Variants in DSCAML1 observed in about 807,000 individuals in gnomAD.
The protein encoded by DSCAML1 is cell adhesion molecule DSCAML1.
A neutral mutation model predicts 200.5 loss-of-function variants in DSCAML1; 38 were observed. The observed-to-expected ratio is 0.19, with a 90% CI of 0.15 to 0.25. The LOEUF (loss-of-function observed/expected upper bound fraction) is 0.25, where lower values mean the gene tolerates loss of function less well. Among genes scored for constraint, DSCAML1 ranks in the 10% least tolerant of loss-of-function variants. The pLI, the probability that DSCAML1 is intolerant of heterozygous loss-of-function variation, is 1.00. For synonymous variants in DSCAML1, 1,215 were observed against 1,165.0 expected (o/e 1.04, Z -0.87); for missense variants, 2,223 against 2,858.8 (o/e 0.78, Z 5.07).
intron 8 of DSCAML1, among the ~76,000 whole-genome samples, chr11:117,508,104 G>A (rs2049539882): frequency 6.6e-6 from 1 of 152,132 alleles, no homozygotes. Flanking sequence ...AGACCCAGAT[G>A]TGCCGCCCAG....
chr11:117,522,510 G>A (rs2049902351), intron 5 of DSCAML1, among the ~76,000 whole-genome samples: 1 of 152,336 alleles, frequency 6.6e-6, no homozygotes, highest in East Asian at 1.9e-4. Context: ...GGGGGCTCAG[G>A]CTCCCTGTAT....
chr11:117,666,215 G>T (rs566373376), intron 3 of DSCAML1, among the ~76,000 whole-genome samples: 1 of 152,128 alleles, frequency 6.6e-6, no homozygotes, highest in South Asian at 2.1e-4. Context: ...GTGGACCCTC[G>T]AGCCAGCCTC....
chr11:117,771,803 T>C (rs1272452613), intron 3 of DSCAML1, among the ~76,000 whole-genome samples: 1 of 152,174 alleles, frequency 6.6e-6, no homozygotes, highest in Non-Finnish European at 1.5e-5. Flanking sequence ...AAAGTGTTAT[T>C]GTGAGGATTA....
At chr11:117,566,340 T>TC (rs1555185525) in intron 3 of DSCAML1, among the ~76,000 whole-genome samples, 10,503 of 141,652 alleles carry the variant, frequency 0.074, 451 homozygotes, top group Middle Eastern at 0.13. Context: ...TTTCTTTTCT[T>TC]TCTCTCTCTC....
intron 4 of DSCAML1, among the ~76,000 whole-genome samples, chr11:117,526,849 A>T (rs1009289213): frequency 6.6e-6 from 1 of 151,842 alleles, no homozygotes; most frequent in Non-Finnish European, 1.5e-5. Context: ...TAAATGTTTT[A>T]ATAATAGGTC....
At chr11:117,711,829 C>T (rs1354875600) in intron 3 of DSCAML1, among the ~76,000 whole-genome samples, 2 of 152,116 alleles carry the variant, frequency 1.3e-5, no homozygotes, top group Admixed American at 1.3e-4. Flanking sequence ...GAGGGTTTTC[C>T]CCCCATTCCC....
At chr11:117,779,115 C>T (rs2055185506) in intron 2 of DSCAML1, among the ~76,000 whole-genome samples, 1 of 152,284 alleles carries the variant, frequency 6.6e-6, no homozygotes, top group South Asian at 2.1e-4. Flanking sequence ...GAGGCCTTTC[C>T]CAGAACCACT....
Position 117,780,298 on chromosome 11 carries a change from A to AAG in DSCAML1, c.364+193_364+194dup, listed in dbSNP as rs1375998237. Among the ~76,000 whole-genome samples, 1 of 111,118 alleles carries AAG rather than the reference A, an allele frequency of 9.0e-6. No homozygotes were observed. The highest frequency in any genetic ancestry group is 2.5e-4 in the East Asian group (1 of 3,924). 72.9% of individuals were successfully genotyped at this position (111,118 alleles called of 152,430 possible). A position where few individuals can be genotyped will look rare whatever the true frequency, so the allele number is the denominator to read the frequency against. On this transcript the variant is annotated intron_variant, in intron 2 of 32. Coordinates refer to ENST00000651296, the MANE Select transcript of DSCAML1 (RefSeq NM_020693.4). This position sits in a 1 kb window ranked among gnomAD's most constrained non-coding sequence, Gnocchi z 4.8. ...AAAGAAAGAAAGAAAGAAAGAAAGA[A>AAG]AGAAAGAGAGAAAGGAGAAAGAAAG...
chr11:117,762,585 G>A (rs750421760), intron 3 of DSCAML1, among the ~76,000 whole-genome samples: 3 of 152,076 alleles, frequency 2.0e-5, no homozygotes, highest in South Asian at 2.1e-4. Context: ...TATATGGGCC[G>A]GACACAGTGG....
chr11:117,638,695 A>T (rs1417996928), intron 3 of DSCAML1, among the ~76,000 whole-genome samples: 1 of 152,208 alleles, frequency 6.6e-6, no homozygotes, highest in Non-Finnish European at 1.5e-5. Flanking sequence ...ACGTCACAAC[A>T]TGAATCTGTA....
At chr11:117,788,549 A>G (rs1187576885) in intron 1 of DSCAML1, among the ~76,000 whole-genome samples, 1 of 151,460 alleles carries the variant, frequency 6.6e-6, no homozygotes, top group Admixed American at 6.6e-5. Flanking sequence ...CTGGTCTCGA[A>G]CTCCTGACCT....
Position 117,498,206 on chromosome 11 carries a change from TG to T in DSCAML1, c.2359+5638del, listed in dbSNP as rs1413869966. Among the ~76,000 whole-genome samples the T allele has an allele frequency of 6.6e-6, 1 of 152,154 alleles. No individual in the cohort carries two copies. Among genetic ancestry groups the T allele is most frequent in the Non-Finnish European group, 1.5e-5 (1 of 68,010 alleles). ...ACACACAGGAATATCTTGGGCCAGT[TG>T]TTTGCCCTCTCTGGGGCCTCAGTTT... On this transcript the variant is annotated intron_variant, in intron 11 of 32. Transcript: ENST00000651296. This position sits in a 1 kb window ranked among gnomAD's most constrained non-coding sequence, Gnocchi z 4.0.
intron 6 of DSCAML1, among the ~76,000 whole-genome samples, chr11:117,519,413 G>C (rs2049846252): frequency 6.6e-6 from 1 of 152,210 alleles, no homozygotes; most frequent in African/African-American, 2.4e-5. Flanking sequence ...CCTTGGACAA[G>C]ACAATTAACC....
At chr11:117,464,124 C>T (rs2048532882) in intron 17 of DSCAML1, among the ~76,000 whole-genome samples, 1 of 152,076 alleles carries the variant, frequency 6.6e-6, no homozygotes, top group African/African-American at 2.4e-5. Context: ...GTTGGTTTCG[C>T]TCTGTTGGGG....
intron 3 of DSCAML1, among the ~76,000 whole-genome samples, chr11:117,551,960 T>C (rs1276874824): frequency 6.6e-6 from 1 of 150,632 alleles, no homozygotes; most frequent in Admixed American, 6.7e-5. Context: ...TGGCTAATCC[T>C]GTTAAGGAGA....
chr11:117,628,270 A>G (rs1299258178), intron 3 of DSCAML1, among the ~76,000 whole-genome samples: 1 of 152,022 alleles, frequency 6.6e-6, no homozygotes, highest in African/African-American at 2.4e-5. Context: ...GAATCCTCCC[A>G]CTTGCTCCCT....
chr11:117,783,119 A>C (rs567700993), intron 1 of DSCAML1, among the ~76,000 whole-genome samples: 3 of 151,762 alleles, frequency 2.0e-5, no homozygotes, highest in South Asian at 4.1e-4. Flanking sequence ...ATGCACATAC[A>C]CGACACACAC....
intron 3 of DSCAML1, among the ~76,000 whole-genome samples, chr11:117,594,460 A>T (rs923127494): frequency 3.3e-5 from 5 of 152,224 alleles, no homozygotes; most frequent in African/African-American, 4.8e-5. Flanking sequence ...AGATCCGCTG[A>T]TGCTCTCAGC....
rs949910791 is a variant in DSCAML1, at chr11:117,498,281, A to G, written c.2359+5564T>C. Among the ~76,000 whole-genome samples, 10 of 152,120 alleles carry G rather than the reference A, an allele frequency of 6.6e-5. No individual in the cohort carries two copies. Among genetic ancestry groups the G allele is most frequent in the Admixed American group, 2.0e-4 (3 of 15,274 alleles). On this transcript the variant is annotated intron_variant, in intron 11 of 32. Coordinates refer to ENST00000651296, the MANE Select transcript of DSCAML1 (RefSeq NM_020693.4). This position sits in a 1 kb window ranked among gnomAD's most constrained non-coding sequence, Gnocchi z 4.0. ...TGTGAGTATAGTGTGTGGACACCCA[A>G]TCCATGTGCCCAGGCTCCACTTACA...
Sources: allele counts gnomAD v4.1 joint callset (sites outside exome capture counted in the v4.1 genomes callset), GRCh38; gene constraint gnomAD v4.1.1; non-coding constraint Gnocchi (gnomAD v3.1); transcripts MANE v1.5; gene names NCBI Gene and HGNC (gene_info 2026-07-23, HGNC 2026-07-21).